Variants in DBF4 observed in about 807,000 individuals in gnomAD.
DBF4 encodes protein DBF4 homolog A.
DBF4 carries 25 observed loss-of-function variants against 76.6 expected under a neutral mutation model. That is an observed-to-expected ratio of 0.33 (90% CI 0.24 to 0.46). The LOEUF (loss-of-function observed/expected upper bound fraction) is 0.46, where lower values mean the gene tolerates loss of function less well. DBF4 is among the 20% of genes least tolerant of loss of function. The pLI, the probability that DBF4 is intolerant of heterozygous loss-of-function variation, is 1.00. For missense variants in DBF4, 638 were observed against 760.8 expected, an observed-to-expected ratio of 0.84 and a Z score of 1.90; for synonymous variants, 213 against 258.0, an observed-to-expected ratio of 0.83 and a Z score of 1.67.
chr7:87,885,646 A>T (rs1037704588), intron 3 of DBF4, among the ~76,000 whole-genome samples: 1 of 152,222 alleles, frequency 6.6e-6, no homozygotes, highest in African/African-American at 2.4e-5. Context: ...TTTCATTGTC[A>T]TAATGTTTTA....
intron 6 of DBF4, chr7:87,888,445 C>T (rs1320616128): frequency 3.9e-6 from 2 of 507,536 alleles, no homozygotes; most frequent in Non-Finnish European, 5.1e-6. Flanking sequence ...AACAAAATCT[C>T]GTTTTAGCAT....
At chr7:87,900,192 C>CT in intron 8 of DBF4, 29 bp from the exon 9 acceptor site, 1 of 1,534,718 alleles carries the variant, frequency 6.5e-7, no homozygotes. Context: ...CATAAAGAAT[C>CT]TCATGTATTT....
At chr7:87,900,683 G>T in intron 9 of DBF4, 81 bp from the exon 10 acceptor site, 2 of 1,144,554 alleles carry the variant, frequency 1.7e-6, no homozygotes, top group Non-Finnish European at 2.5e-6. Flanking sequence ...CAGATTGTGT[G>T]TGATAGTTTA....
In DBF4 at chr7:87,885,168, T is replaced by C. The variant is rs1839314128; in HGVS notation, c.399+10T>C. ...TAAGTCACCAGACACAGTAAGTCTCTTAAATATGCTTTGAGACTCAGAAGG... is the reference window on the plus strand; with the variant it reads ...TAAGTCACCAGACACAGTAAGTCTCCTAAATATGCTTTGAGACTCAGAAGG... On this transcript the variant is annotated intron_variant, in intron 3 of 11. Transcript: ENST00000265728. 2.5e-6 allele frequency: 4 copies of C among 1,582,816 alleles called. No individual in the cohort carries two copies. Among genetic ancestry groups the C allele is most frequent in the Non-Finnish European group, 3.4e-6 (4 of 1,162,772 alleles).
intron 6 of DBF4, among the ~76,000 whole-genome samples, chr7:87,891,154 T>G (rs1839475883): frequency 6.6e-6 from 1 of 151,464 alleles, no homozygotes; most frequent in South Asian, 2.1e-4. Flanking sequence ...TTTAAAGTGC[T>G]TTGAGGTTTG....
At chr7:87,882,607 C>T (rs1839244660) in intron 2 of DBF4, among the ~76,000 whole-genome samples, 1 of 152,162 alleles carries the variant, frequency 6.6e-6, no homozygotes, top group Non-Finnish European at 1.5e-5. Flanking sequence ...TAAAGAACTT[C>T]TGTGACCCAA....
rs1294744024 is a variant in DBF4 at position 87,900,687 on chromosome 7, T to C, written c.810-77T>C. On this transcript the variant is annotated intron_variant, in intron 9 of 11. Transcript: ENST00000265728. ...TGCAAATTATGCAGATTGTGTGTGATAGTTTAGGACAATAAATTTTTAAAG... is the reference window on the plus strand; with the variant it reads ...TGCAAATTATGCAGATTGTGTGTGACAGTTTAGGACAATAAATTTTTAAAG... The C allele has an allele frequency of 6.0e-6, 7 of 1,173,166 alleles. No individual in the cohort carries two copies. The African/African-American group carries it at 6.2e-5, about 10-fold the overall frequency. 72.7% of individuals were successfully genotyped at this position (1,173,166 alleles called of 1,614,324 possible). A position where few individuals can be genotyped will look rare whatever the true frequency, so the allele number is the denominator to read the frequency against.
intron 8 of DBF4, among the ~76,000 whole-genome samples, chr7:87,898,790 C>CAAAAAAAAAAAAAA (rs548418733): frequency 1.6e-5 from 1 of 62,414 alleles, no homozygotes; most frequent in Non-Finnish European, 3.3e-5. Context: ...GACTCCGTCT[C>CAAAAAAAAAAAAAA]AAAAAAAAAA....
chr7:87,894,569 C>T (rs116638192), intron 6 of DBF4, among the ~76,000 whole-genome samples: 278 of 152,344 alleles, frequency 1.8e-3, no homozygotes, highest in African/African-American at 6.5e-3. Context: ...AGGTTTTCTT[C>T]GGATATATCC....
intron 10 of DBF4, among the ~76,000 whole-genome samples, chr7:87,902,580 C>G (rs1839813741): frequency 6.6e-6 from 1 of 152,002 alleles, no homozygotes; most frequent in Non-Finnish European, 1.5e-5. Flanking sequence ...TCAAAAGGCC[C>G]AACTGAACAC....
At chr7:87,896,251 TTTC>T (rs1839636646) in intron 6 of DBF4, 1 of 392,756 alleles carries the variant, frequency 2.5e-6, no homozygotes, top group South Asian at 5.1e-5. Context: ...CATTATTGGT[TTTC>T]TTTTTATGAA....
chr7:87,878,298 A>G (rs1477055753), intron 2 of DBF4, 73 bp downstream of exon 2: 1 of 1,257,642 alleles, frequency 8.0e-7, no homozygotes. Context: ...AATCATTTAA[A>G]TTTTTCATTT....
chr7:87,903,230 G>T (rs915935878), intron 10 of DBF4, among the ~76,000 whole-genome samples: 11 of 152,192 alleles, frequency 7.2e-5, no homozygotes, highest in African/African-American at 2.4e-4. Flanking sequence ...CTACAGGCAT[G>T]CGCCACCACG....
chr7:87,878,897 G>A (rs186717108), intron 2 of DBF4, among the ~76,000 whole-genome samples: 1 of 152,330 alleles, frequency 6.6e-6, no homozygotes, highest in East Asian at 1.9e-4. Flanking sequence ...GTCTTTGAAT[G>A]TCTAAACTGA....
Position 87,876,654 on chromosome 7 carries a change from G to C in DBF4, c.-79G>C, listed in dbSNP as rs11546323. On this transcript the variant is annotated 5_prime_UTR_variant, in exon 1 of 12. Coordinates refer to ENST00000265728, the MANE Select transcript of DBF4 (RefSeq NM_006716.4). ...AGAGAGGCGGCCGTCCTGTCAACAG[G>C]CCGGGGGAAGCCGTGCTTTCGCGGC... 1.3e-6 allele frequency: 2 copies of C among 1,535,826 alleles called. No homozygotes were observed. Among genetic ancestry groups the C allele is most frequent in the East Asian group, 2.3e-5 (1 of 43,598 alleles).
chr7:87,894,454 A>T (rs1246568127), intron 6 of DBF4, among the ~76,000 whole-genome samples: 1 of 151,956 alleles, frequency 6.6e-6, no homozygotes, highest in Non-Finnish European at 1.5e-5. Context: ...TGTCTCGGGG[A>T]AAAAAAAGAA....
At chr7:87,876,894 C>A in intron 1 of DBF4, 116 bp downstream of exon 1, 1 of 1,140,910 alleles carries the variant, frequency 8.8e-7, no homozygotes, top group Non-Finnish European at 1.3e-6. Context: ...TTCTGACCGG[C>A]CTCTGGGGTC....
Position 87,904,327 on chromosome 7 carries a change from G to A in DBF4, c.960G>A (p.Gln320=), listed in dbSNP as rs374827920. The change falls in exon 11 of 12, where the codon CAG becomes CAA. Residue 320 remains glutamine (Q), a synonymous_variant. Coordinates refer to ENST00000265728, the MANE Select transcript of DBF4 (RefSeq NM_006716.4). ...LLSEQHRNFA[Q]SNQYQVVDDI... ...GTGAGCAACACAGAAACTTTGCACA[G>A]AGTAACCAGTATCAAGTTGTTGATG... 6.2e-7 allele frequency: 1 copy of A among 1,613,670 alleles called. No homozygotes were observed. The highest frequency in any genetic ancestry group is 1.7e-5 in the Admixed American group (1 of 59,926).
chr7:87,896,522 G>C lies in DBF4; in HGVS notation c.634+12G>C. 6.2e-7 allele frequency: 1 copy of C among 1,609,484 alleles called. No homozygotes were observed. The highest frequency in any genetic ancestry group is 8.5e-7 in the Non-Finnish European group (1 of 1,177,370). Reference sequence around the variant, plus strand: ...ACAAAAAACAAGAAGTAAGTATTTTGTGATCTTTAAGTGTATTTGGTTTGC... The same window carrying C: ...ACAAAAAACAAGAAGTAAGTATTTTCTGATCTTTAAGTGTATTTGGTTTGC... On this transcript the variant is annotated intron_variant, in intron 7 of 11. Coordinates refer to ENST00000265728, the MANE Select transcript of DBF4 (RefSeq NM_006716.4).
Sources: allele counts gnomAD v4.1 joint callset (sites outside exome capture counted in the v4.1 genomes callset), GRCh38; gene constraint gnomAD v4.1.1; transcripts MANE v1.5; gene names NCBI Gene and HGNC (gene_info 2026-07-23, HGNC 2026-07-21).